UBR4: variants seen among roughly 807,000 people sequenced by gnomAD.
UBR4 encodes the protein ubiquitin protein ligase E3 component n-recognin 4.
UBR4 carries 124 observed loss-of-function variants against 575.6 expected under a neutral mutation model. The observed-to-expected ratio is 0.22, with a 90% CI of 0.19 to 0.25. UBR4 has a LOEUF of 0.25. UBR4 is among the 10% of genes least tolerant of loss of function. The probability of loss-of-function intolerance (pLI) is 1.00; values close to 1 mark genes in which losing one functional copy is unlikely to be tolerated. For missense variants in UBR4, 4,818 were observed against 6,478.8 expected (o/e 0.74, Z 8.80); for synonymous variants, 2,455 against 2,473.7 (o/e 0.99, Z 0.22).
intron 102 of UBR4, among the ~76,000 whole-genome samples, chr1:19,083,421 C>T (rs2076712833): frequency 1.3e-5 from 2 of 152,292 alleles, no homozygotes; most frequent in South Asian, 4.2e-4. Context: ...TGCAGCTACC[C>T]GGGGTGAGCT....
At chr1:19,179,319 CAG>C (rs2090623850) in intron 17 of UBR4, 99 bp from the exon 18 acceptor site, 1 of 1,253,694 alleles carries the variant, frequency 8.0e-7, no homozygotes, top group South Asian at 2.2e-5. Flanking sequence ...TAATATTGAA[CAG>C]AATATTTTAA....
Position 19,087,924 on chromosome 1 carries a change from A to G in UBR4, c.14436T>C (p.Asn4812=), listed in dbSNP as rs749904169. The G allele has an allele frequency of 1.2e-6, 2 of 1,602,898 alleles. No homozygotes were observed. The highest frequency in any genetic ancestry group is 1.7e-6 in the Non-Finnish European group (2 of 1,172,976). ...TCTTGGTCACGACCTGGCCCTTTTC[A>G]TTTGTCTGTAGGGGAACCCCGGTGG... The part of the protein sequence containing the change: ...KALGTLGMTT[N]EKGQVVTKTA... Residue 4812 remains asparagine (N), a synonymous_variant, in exon 99 of 106, where the codon AAT becomes AAC. Transcript: ENST00000375254.
Position 19,161,756 on chromosome 1 carries a change from G to A in UBR4, c.5028-20C>T, listed in dbSNP as rs1359128236. The A allele has an allele frequency of 1.2e-6, 2 of 1,613,242 alleles. No homozygotes were observed. The highest frequency in any genetic ancestry group is 2.2e-5 in the South Asian group (2 of 91,072). ...TGGTACCTACAAAGAACAAGAACCA[G>A]CAAATAAGCTCAGAAGTCCCAACAA... is the stretch of plus-strand genomic sequence containing the variant. On this transcript the variant is annotated intron_variant, in intron 36 of 105. Coordinates refer to ENST00000375254, the MANE Select transcript of UBR4 (RefSeq NM_020765.3).
chr1:19,093,338 T>C lies in UBR4; in HGVS notation c.14086A>G (p.Lys4696Glu). The change falls in exon 96 of 106, where the codon AAA (lysine) becomes GAA (glutamate). Residue 4696 changes from lysine (K) to glutamate (E), a missense_variant. By Grantham distance (56) the Lys-to-Glu change is moderately conservative. Coordinates refer to ENST00000375254, the MANE Select transcript of UBR4 (RefSeq NM_020765.3). This position sits in a 1 kb window ranked among gnomAD's most constrained non-coding sequence, Gnocchi z 4.8. ...TTCTTGGCGCTAGGGATGTGCTTTT[T>C]CATGTAGTCAAGTGCATTCTGGGTG... The part of the protein sequence containing the change: ...GITQNALDYM[K>E]KHIPSAKNLD... 1 of 1,614,012 alleles carries C rather than the reference T, an allele frequency of 6.2e-7. No individual in the cohort carries two copies. Among genetic ancestry groups the C allele is most frequent in the Non-Finnish European group, 8.5e-7 (1 of 1,180,028 alleles).
At chr1:19,128,884 CGAAGGCTTCCAGGTCCTCTG>C (rs1455072683) in intron 61 of UBR4, 74 bp downstream of exon 61, 1 of 1,127,562 alleles carries the variant, frequency 8.9e-7, no homozygotes, top group Non-Finnish European at 1.3e-6. Context: ...TAACACCAAA[CGAAGGCTTCCAGGTCCTCTG>C]GAAGAGAGAT....
At chr1:19,172,496 G>A (rs761820749) in intron 25 of UBR4, among the ~76,000 whole-genome samples, 3 of 152,112 alleles carry the variant, frequency 2.0e-5, no homozygotes, top group African/African-American at 7.2e-5. Context: ...CAGCCTGGGC[G>A]ACAGAGCGAG....
rs2092259312 is a variant in UBR4, at chr1:19,193,567, A to T, written c.1019-10T>A. On this transcript the variant is annotated splice_polypyrimidine_tract_variant and intron_variant, in intron 8 of 105. Transcript: ENST00000375254. ...GTTGCCACACTCACACCTGAAAAAG[A>T]AGATGCACAGGTCTCAGCCATGGAG... 6.2e-7 allele frequency: 1 copy of T among 1,612,490 alleles called. No homozygotes were observed. The highest frequency in any genetic ancestry group is 8.5e-7 in the Non-Finnish European group (1 of 1,179,034).
intron 19 of UBR4, among the ~76,000 whole-genome samples, chr1:19,177,076 T>C (rs2090341268): frequency 6.6e-6 from 1 of 152,216 alleles, no homozygotes; most frequent in Admixed American, 6.5e-5. Context: ...CTATCCTTAT[T>C]TTGGATCCTT....
chr1:19,098,687 T>A (rs2078304170), intron 90 of UBR4, among the ~76,000 whole-genome samples: 1 of 152,292 alleles, frequency 6.6e-6, no homozygotes, highest in Middle Eastern at 3.4e-3. Context: ...GTAAGCAGGA[T>A]TCCCAGCCCA....
intron 1 of UBR4, among the ~76,000 whole-genome samples, chr1:19,203,315 A>G (rs2092840423): frequency 6.6e-6 from 1 of 152,060 alleles, no homozygotes; most frequent in Non-Finnish European, 1.5e-5. Context: ...AGCCTGGCCA[A>G]TATGGTGAAA....
intron 49 of UBR4, 110 bp from the exon 50 acceptor site, chr1:19,148,736 A>T: frequency 2.5e-6 from 3 of 1,180,218 alleles, no homozygotes; most frequent in Non-Finnish European, 3.7e-6. Context: ...ATGAATGCCA[A>T]ATACAAAATC....
chr1:19,081,088 G>A (rs2076456230), intron 103 of UBR4: 4 of 404,580 alleles, frequency 9.9e-6, no homozygotes, highest in Non-Finnish European at 8.9e-6. Context: ...CCTGTGCCTG[G>A]CTGCCTTCCT....
At position 19,160,289 on chromosome 1, in the gene UBR4, A is replaced by G. The variant is rs748537964; in HGVS notation, c.5407-8T>C. On this transcript the variant is annotated splice_polypyrimidine_tract_variant and splice_region_variant and intron_variant, in intron 38 of 105. Coordinates refer to ENST00000375254, the MANE Select transcript of UBR4 (RefSeq NM_020765.3). ...AGCGAAGGAGAAATTGGCCTGAGAA[A>G]AATAGAAAAAATACACCAGTGAAAA... 14 of 1,589,260 alleles carry G rather than the reference A, an allele frequency of 8.8e-6. No individual in the cohort carries two copies. Among genetic ancestry groups the G allele is most frequent in the African/African-American group, 1.4e-5 (1 of 73,162 alleles).
At chr1:19,175,734 T>C (rs1423151613) in intron 20 of UBR4, among the ~76,000 whole-genome samples, 1 of 152,180 alleles carries the variant, frequency 6.6e-6, no homozygotes, top group Non-Finnish European at 1.5e-5. Context: ...AGAATCCATA[T>C]ACTGTACCCT....
chr1:19,172,192 T>C (rs1001078735), intron 25 of UBR4, among the ~76,000 whole-genome samples: 1 of 152,168 alleles, frequency 6.6e-6, no homozygotes, highest in Non-Finnish European at 1.5e-5. Context: ...GAGATTTTTT[T>C]TTTTCTCCAA....
At position 19,077,986 on chromosome 1, in the gene UBR4, T is replaced by A; in HGVS notation, c.15314A>T (p.Asn5105Ile). The change falls in exon 104 of 106, where the codon AAC becomes ATC. Residue 5105 changes from asparagine to isoleucine, a missense_variant. Physicochemically the swap from Asn to Ile is moderately radical, Grantham distance 149 (BLOSUM62 -3). Transcript: ENST00000375254. ...TGACAGCCTCCTTACCTTAAACATG[T>A]TGTAAATGAGATCGACGAGGGCCCA... ...LFWALVDLIYNMFKKVPTSNT... is the reference protein window; with the variant it reads ...LFWALVDLIYIMFKKVPTSNT... The A allele has an allele frequency of 1.2e-6, 2 of 1,613,986 alleles. No homozygotes were observed. The highest frequency in any genetic ancestry group is 1.7e-6 in the Non-Finnish European group (2 of 1,179,964).
Position 19,122,005 on chromosome 1 carries a change from T to C in UBR4, c.9824A>G (p.His3275Arg). The change falls in exon 67 of 106, where the codon CAC (histidine) becomes CGC (arginine). Residue 3275 changes from histidine to arginine, a missense_variant. His to Arg is a conservative substitution (Grantham distance 29). Around this residue, in one of 29 missense-constraint regions of UBR4, gnomAD observed 550 missense variants for 791.5 expected, o/e 0.69. Coordinates refer to ENST00000375254, the MANE Select transcript of UBR4 (RefSeq NM_020765.3). ...GGCAATCTCTGCACAGGCTTTCAGG[T>C]GCTCCATCTGAAATAGGAACCAACC... ...QYDTLISLME[H>R]LKACAEIAAQ... 1.2e-6 allele frequency: 2 copies of C among 1,614,080 alleles called. No homozygotes were observed. Among genetic ancestry groups the C allele is most frequent in the South Asian group, 1.1e-5 (1 of 91,076 alleles).
chr1:19,092,695 T>C, intron 97 of UBR4, 124 bp downstream of exon 97: 1 of 711,270 alleles, frequency 1.4e-6, no homozygotes, highest in Non-Finnish European at 2.2e-6. Context: ...ATGAAGTAGA[T>C]GACTTCTGAG....
chr1:19,130,775 A>G (rs2082333551), intron 60 of UBR4, among the ~76,000 whole-genome samples: 1 of 152,232 alleles, frequency 6.6e-6, no homozygotes, highest in South Asian at 2.1e-4. Flanking sequence ...TTGTTTTGAG[A>G]TGGATTAATA....
Sources: gnomAD v4.1 joint callset for allele counts (sites outside exome capture counted in the v4.1 genomes callset) on GRCh38, gnomAD v4.1.1 for gene constraint, gnomAD v4.1.1 regional missense constraint, Gnocchi (gnomAD v3.1) non-coding constraint, MANE v1.5 for transcripts, NCBI Gene and HGNC (gene_info 2026-07-23, HGNC 2026-07-21) for gene names.